RBFOX1: variants seen among roughly 807,000 people sequenced by gnomAD.
The protein encoded by RBFOX1 is RNA binding fox-1 homolog 1, also known as RNA binding protein fox-1 homolog 1.
Under a neutral mutation model 57.7 loss-of-function variants are expected in RBFOX1, and 8 were observed. The ratio of observed to expected loss-of-function variants is 0.14; its 90% CI spans 0.08 to 0.25. The LOEUF (loss-of-function observed/expected upper bound fraction) is 0.25. Ranked by LOEUF, RBFOX1 falls within the 10% of genes least tolerant of loss-of-function variation. The pLI is 1.00. For missense variants in RBFOX1, 611 were observed against 548.5 expected, an observed-to-expected ratio of 1.11 and a Z score of -1.14; for synonymous variants, 326 against 222.4, an observed-to-expected ratio of 1.47 and a Z score of -4.15.
At chr16:7,115,658 C>T (rs1319162802) in intron 4 of RBFOX1, among the ~76,000 whole-genome samples, 3 of 152,166 alleles carry the variant, frequency 2.0e-5, no homozygotes, top group African/African-American at 7.2e-5. Flanking sequence ...ATAAGCAATT[C>T]AAGAGAGAAT....
At chr16:6,115,863 C>G (rs75873006) in intron 1 of RBFOX1, among the ~76,000 whole-genome samples, 7 of 152,090 alleles carry the variant, frequency 4.6e-5, no homozygotes, top group Admixed American at 2.0e-4. Flanking sequence ...CTGACCCACA[C>G]AGATTTGTTA....
chr16:5,308,956 T>C, intron 1 of RBFOX1, among the ~76,000 whole-genome samples: 1 of 152,156 alleles, frequency 6.6e-6, no homozygotes, highest in East Asian at 1.9e-4. Context: ...TTCTAGGTCT[T>C]AAGACCTTGT....
chr16:7,396,065 C>G (rs973528613), intron 4 of RBFOX1, among the ~76,000 whole-genome samples: 3 of 152,036 alleles, frequency 2.0e-5, no homozygotes, highest in Non-Finnish European at 2.9e-5. Context: ...ATGGTGGGTT[C>G]TGGATTCCCC....
At chr16:7,184,271 G>C (rs2083286746) in intron 4 of RBFOX1, among the ~76,000 whole-genome samples, 1 of 152,126 alleles carries the variant, frequency 6.6e-6, no homozygotes, top group Non-Finnish European at 1.5e-5. Flanking sequence ...TTTAGTTTTA[G>C]GACAATAGGA....
At chr16:6,609,480 A>G (rs117143134) in intron 2 of RBFOX1, among the ~76,000 whole-genome samples, 1 of 152,104 alleles carries the variant, frequency 6.6e-6, no homozygotes, top group African/African-American at 2.4e-5. Context: ...AGTAACTGGG[A>G]CAACAGGTGC....
intron 1 of RBFOX1, among the ~76,000 whole-genome samples, chr16:5,304,443 G>A (rs983554120): frequency 6.6e-6 from 1 of 152,308 alleles, no homozygotes; most frequent in East Asian, 1.9e-4. Context: ...GGGCAACTGC[G>A]TTCTTCTGAC....
intron 4 of RBFOX1, among the ~76,000 whole-genome samples, chr16:7,395,602 T>C (rs936572240): frequency 3.3e-5 from 5 of 152,168 alleles, no homozygotes; most frequent in African/African-American, 1.2e-4. Flanking sequence ...TTATTACCTT[T>C]GTTGTGGGGA....
intron 1 of RBFOX1, among the ~76,000 whole-genome samples, chr16:5,455,055 C>A (rs2068588425): frequency 6.9e-6 from 1 of 145,526 alleles, no homozygotes; most frequent in African/African-American, 2.6e-5. Context: ...TTCTTTCTTT[C>A]TCTGTCTCTT....
intron 4 of RBFOX1, among the ~76,000 whole-genome samples, chr16:7,148,852 G>A (rs951044065): frequency 1.3e-5 from 2 of 152,102 alleles, no homozygotes; most frequent in Non-Finnish European, 2.9e-5. Context: ...AGTGACCCTC[G>A]GGTCACCATC....
At chr16:7,383,014 C>G (rs1354549561) in intron 4 of RBFOX1, among the ~76,000 whole-genome samples, 1 of 151,992 alleles carries the variant, frequency 6.6e-6, no homozygotes, top group East Asian at 1.9e-4. Context: ...ATATGGTAAG[C>G]AAGGCCAGAA....
intron 3 of RBFOX1, among the ~76,000 whole-genome samples, chr16:5,613,622 C>T (rs2047906383): frequency 6.6e-6 from 1 of 152,118 alleles, no homozygotes; most frequent in African/African-American, 2.4e-5. Context: ...AAATTCAGAC[C>T]ATCATTTCAT....
At chr16:5,685,806 C>T (rs911810440) in intron 3 of RBFOX1, among the ~76,000 whole-genome samples, 1 of 152,178 alleles carries the variant, frequency 6.6e-6, no homozygotes, top group Non-Finnish European at 1.5e-5. Flanking sequence ...CCTAACAGAT[C>T]TGAAGATGTA....
intron 4 of RBFOX1, among the ~76,000 whole-genome samples, chr16:5,877,417 AG>A (rs2057641902): frequency 6.6e-6 from 1 of 152,242 alleles, no homozygotes; most frequent in African/African-American, 2.4e-5. Context: ...AGTGGGTTCA[AG>A]GGGGAGAGTG....
At chr16:6,631,094 G>A (rs771177137) in intron 2 of RBFOX1, among the ~76,000 whole-genome samples, 11 of 152,086 alleles carry the variant, frequency 7.2e-5, no homozygotes, top group Non-Finnish European at 1.2e-4. Flanking sequence ...AGGGGGGTTG[G>A]TGCAGAGGGA....
chr16:6,436,877 A>T (rs1319342530), intron 2 of RBFOX1, among the ~76,000 whole-genome samples: 3 of 152,206 alleles, frequency 2.0e-5, no homozygotes, highest in African/African-American at 7.2e-5. Flanking sequence ...AGGTGGTGAC[A>T]TTTAAGCAAA....
chr16:7,589,601 G>A (rs1300169652), intron 7 of RBFOX1, among the ~76,000 whole-genome samples: 1 of 151,918 alleles, frequency 6.6e-6, no homozygotes, highest in South Asian at 2.1e-4. Context: ...GGAGCTGACT[G>A]TTTAGGTACT....
chr16:7,315,460 C>CCCCCCG (rs1555700238), intron 4 of RBFOX1, among the ~76,000 whole-genome samples: 8 of 151,180 alleles, frequency 5.3e-5, no homozygotes, highest in Non-Finnish European at 1.0e-4. Flanking sequence ...TACCCTACCC[C>CCCCCCG]CCCCCCCATA....
chr16:5,325,709 T>C (rs911276870), intron 1 of RBFOX1, among the ~76,000 whole-genome samples: 1 of 152,190 alleles, frequency 6.6e-6, no homozygotes, highest in African/African-American at 2.4e-5. Context: ...GACTAGCTGC[T>C]TTCCTTTAGT....
chr16:6,099,096 C>T (rs1223430442), intron 1 of RBFOX1, among the ~76,000 whole-genome samples: 3 of 152,078 alleles, frequency 2.0e-5, no homozygotes, highest in East Asian at 1.9e-4. Context: ...GTCCAGGGGG[C>T]GACACATTTT....
Sources: gnomAD v4.1 joint callset for allele counts (sites outside exome capture counted in the v4.1 genomes callset) on GRCh38, gnomAD v4.1.1 for gene constraint, MANE v1.5 for transcripts, NCBI Gene and HGNC (gene_info 2026-07-23, HGNC 2026-07-21) for gene names.